PTPRT: variants seen among roughly 807,000 people sequenced by gnomAD.
PTPRT encodes the protein receptor-type tyrosine-protein phosphatase T.
Under a neutral mutation model 176.8 loss-of-function variants are expected in PTPRT, and 56 were observed. That is an observed-to-expected ratio of 0.32 (90% CI 0.26 to 0.40). The LOEUF (loss-of-function observed/expected upper bound fraction) is 0.40. PTPRT is among the 10% of genes least tolerant of loss of function. The pLI is 1.00. For missense variants in PTPRT, 1,540 were observed against 1,908.2 expected (o/e 0.81, Z 3.60); for synonymous variants, 783 against 739.0 (o/e 1.06, Z -0.96).
At chr20:42,699,151 G>A (rs936160904) in intron 6 of PTPRT, among the ~76,000 whole-genome samples, 10 of 152,128 alleles carry the variant, frequency 6.6e-5, no homozygotes, top group Non-Finnish European at 1.0e-4. Context: ...TACTCCCACG[G>A]AATCCTTAGG....
intron 2 of PTPRT, among the ~76,000 whole-genome samples, chr20:42,823,447 C>T (rs984790488): frequency 7.2e-5 from 11 of 151,954 alleles, no homozygotes; most frequent in Non-Finnish European, 2.9e-5. Context: ...AGCAAACCAC[C>T]ATGGCACACA....
intron 2 of PTPRT, among the ~76,000 whole-genome samples, chr20:42,858,970 G>C (rs974938626): frequency 6.6e-6 from 1 of 152,182 alleles, no homozygotes; most frequent in African/African-American, 2.4e-5. Context: ...ACTGAGCCCA[G>C]CTGAGCACCC....
intron 1 of PTPRT, among the ~76,000 whole-genome samples, chr20:42,991,427 GA>G (rs56127598): frequency 5.0e-4 from 69 of 138,276 alleles, no homozygotes; most frequent in East Asian, 3.1e-3. Context: ...TGCTCCAAAA[GA>G]AAAAAAAAAA....
intron 13 of PTPRT, among the ~76,000 whole-genome samples, chr20:42,272,378 C>T (rs144250280): frequency 2.0e-5 from 3 of 152,150 alleles, no homozygotes; most frequent in African/African-American, 7.2e-5. Flanking sequence ...AGTTTGCTAA[C>T]TCCTGTTCTA....
At position 43,032,885 on chromosome 20, in the gene PTPRT, T is replaced by C. The variant is rs779766299; in HGVS notation, c.89-146953A>G. Among the ~76,000 whole-genome samples the C allele has an allele frequency of 7.9e-4, 121 of 152,308 alleles. 1 individual carries two copies. The highest frequency in any genetic ancestry group is 1.4e-3 in the Non-Finnish European group (92 of 68,030). On this transcript the variant is annotated intron_variant, in intron 1 of 30. Coordinates refer to ENST00000373187, the MANE Select transcript of PTPRT (RefSeq NM_007050.6). ...GCTCCCTTTCCAGACACCTCCCAGA[T>C]ATAAACGCATGATGTGCGATACAGA...
At position 42,916,793 on chromosome 20, in the gene PTPRT, C is replaced by G. The variant is rs190701656; in HGVS notation, c.89-30861G>C. On this transcript the variant is annotated intron_variant, in intron 1 of 30. Coordinates refer to ENST00000373187, the MANE Select transcript of PTPRT (RefSeq NM_007050.6). ...GAGAAGTGTCTGTTCATATCCTTTG[C>G]CCACTTCTTGATGGGGTTGTTTTTT... is the stretch of plus-strand genomic sequence containing the variant. Among the ~76,000 whole-genome samples, 384 of 152,250 alleles carry G rather than the reference C, an allele frequency of 2.5e-3. 1 individual carries two copies. The highest frequency in any genetic ancestry group is 8.8e-3 in the African/African-American group (364 of 41,530).
intron 2 of PTPRT, among the ~76,000 whole-genome samples, chr20:42,797,976 G>T (rs2077476494): frequency 6.6e-6 from 1 of 152,178 alleles, no homozygotes; most frequent in Non-Finnish European, 1.5e-5. Flanking sequence ...GACCCACTTA[G>T]GACTTCTGAT....
At chr20:42,329,214 G>A (rs750334365) in intron 11 of PTPRT, among the ~76,000 whole-genome samples, 1 of 152,094 alleles carries the variant, frequency 6.6e-6, no homozygotes, top group Non-Finnish European at 1.5e-5. Context: ...AATACATATA[G>A]TCATTTTAGA....
At chr20:42,967,460 G>A (rs1982364946) in intron 1 of PTPRT, among the ~76,000 whole-genome samples, 2 of 151,894 alleles carry the variant, frequency 1.3e-5, no homozygotes, top group African/African-American at 2.4e-5. Flanking sequence ...GCAATGATGC[G>A]GCCACAAAGA....
intron 15 of PTPRT, among the ~76,000 whole-genome samples, chr20:42,208,743 A>G (rs1001370763): frequency 9.9e-5 from 15 of 152,202 alleles, no homozygotes; most frequent in Non-Finnish European, 1.9e-4. Context: ...AATGAGACAG[A>G]AATTCAACAA....
intron 7 of PTPRT, among the ~76,000 whole-genome samples, chr20:42,565,592 C>A (rs17809522): frequency 6.6e-6 from 1 of 151,990 alleles, no homozygotes; most frequent in Non-Finnish European, 1.5e-5. Context: ...GTAGAATGAA[C>A]GAATTTGGGG....
At chr20:42,635,502 C>A (rs2074575872) in intron 7 of PTPRT, among the ~76,000 whole-genome samples, 1 of 152,074 alleles carries the variant, frequency 6.6e-6, no homozygotes, top group Non-Finnish European at 1.5e-5. Flanking sequence ...CTTTAACATC[C>A]ATATTTTTCT....
chr20:42,120,949 C>A (rs994689870), intron 19 of PTPRT, among the ~76,000 whole-genome samples: 1 of 152,222 alleles, frequency 6.6e-6, no homozygotes, highest in African/African-American at 2.4e-5. Context: ...TTATGGTTAA[C>A]CATGTCCAGA....
chr20:42,606,815 C>A (rs372983892), intron 7 of PTPRT: 1 of 152,142 alleles, frequency 6.6e-6, no homozygotes, highest in Non-Finnish European at 1.5e-5. Context: ...AGCATTGTGT[C>A]CAGTTGCCAC....
intron 2 of PTPRT, among the ~76,000 whole-genome samples, chr20:42,853,944 C>T (rs1319535477): frequency 1.3e-5 from 2 of 152,106 alleles, no homozygotes; most frequent in Non-Finnish European, 2.9e-5. Flanking sequence ...CTGGGCAGGA[C>T]CAGATGGAAA....
chr20:42,184,623 T>TC (rs1990695541), intron 16 of PTPRT, among the ~76,000 whole-genome samples: 2 of 145,620 alleles, frequency 1.4e-5, no homozygotes, highest in African/African-American at 5.2e-5. Context: ...TTCTCCTCCT[T>TC]CTTCTCCTTC....
chr20:42,913,432 ATT>A (rs1439143593), intron 1 of PTPRT, among the ~76,000 whole-genome samples: 1 of 151,826 alleles, frequency 6.6e-6, no homozygotes, highest in Admixed American at 6.6e-5. Context: ...ATCTCCACAC[ATT>A]GTCTTTTCTG....
At chr20:42,312,611 C>T (rs76236515) in intron 12 of PTPRT, among the ~76,000 whole-genome samples, 1,658 of 152,192 alleles carry the variant, frequency 0.011, 24 homozygotes, top group South Asian at 0.039. Context: ...CAAGTGCACC[C>T]GCAAGACATG....
intron 1 of PTPRT, among the ~76,000 whole-genome samples, chr20:43,101,876 G>C (rs1355798633): frequency 6.6e-6 from 1 of 152,196 alleles, no homozygotes; most frequent in African/African-American, 2.4e-5. Context: ...TCATCCATTT[G>C]TGCTGCTATA....
Sources: allele counts gnomAD v4.1 joint callset (sites outside exome capture counted in the v4.1 genomes callset), GRCh38; gene constraint gnomAD v4.1.1; transcripts MANE v1.5; gene names NCBI Gene and HGNC (gene_info 2026-07-23, HGNC 2026-07-21).